Variants in SH2D2A observed in about 807,000 individuals in gnomAD.
SH2D2A encodes the protein SH2 domain containing 2A.
A neutral mutation model predicts 43.6 loss-of-function variants in SH2D2A; 33 were observed. The observed-to-expected ratio is 0.76, with a 90% CI of 0.57 to 1.01. The LOEUF (loss-of-function observed/expected upper bound fraction) is 1.01, where lower values mean the gene tolerates loss of function less well. Ranked by LOEUF, SH2D2A falls within the 50% of genes least tolerant of loss-of-function variation. The probability of loss-of-function intolerance (pLI) is 0.00; values close to 1 mark genes in which losing one functional copy is unlikely to be tolerated. For missense variants in SH2D2A, 491 were observed against 503.1 expected (o/e 0.98, Z 0.23); for synonymous variants, 212 against 206.1 (o/e 1.03, Z -0.25).
intron 2 of SH2D2A, 176 bp downstream of exon 2, chr1:156,815,830 A>G: frequency 6.2e-7 from 1 of 1,614,168 alleles, no homozygotes; most frequent in Non-Finnish European, 8.5e-7. Flanking sequence ...AACTCGGCGC[A>G]TGAAGGAGGT....
Position 156,807,250 on chromosome 1 carries a change from G to A in SH2D2A, c.1098C>T (p.Leu366=). ...HQPPPAWRHT[L]PHNLSRQVLQ... is the part of the protein sequence containing the mutation. ...GCACCTGTCTAGAAAGATTGTGGGGGAGGGTGTGTCTCCAGGCGGGTGGGG... is the reference window on the plus strand; with the variant it reads ...GCACCTGTCTAGAAAGATTGTGGGGAAGGGTGTGTCTCCAGGCGGGTGGGG... Residue 366 remains leucine (L), a synonymous_variant, in exon 8 of 9, where the codon CTC becomes CTT. Transcript: ENST00000368199. This position sits in a 1 kb window ranked among gnomAD's most constrained non-coding sequence, Gnocchi z 5.1. 1 of 1,599,192 alleles carries A rather than the reference G, an allele frequency of 6.3e-7. No individual in the cohort carries two copies. Among genetic ancestry groups the A allele is most frequent in the Non-Finnish European group, 8.5e-7 (1 of 1,171,948 alleles).
Position 156,814,001 on chromosome 1 carries a change from G to T in SH2D2A, c.414C>A (p.Cys138Ter). Residue 138 changes from cysteine to a stop codon, truncating the protein, a stop_gained, in exon 5 of 9, where the codon TGC (cysteine) becomes TGA (stop). Coordinates refer to ENST00000368199, the MANE Select transcript of SH2D2A (RefSeq NM_003975.4). LOFTEE classifies it high-confidence loss of function. ...TGAGCTGGGCCAGCAGGAAGTGGCG[G>T]CAGCAAGTCCGGCTCCTGGAGGGCG... ...FVLTYRSRTC[C>*]RHFLLAQLRD... is the part of the protein sequence containing the mutation. 6.6e-7 allele frequency: 1 copy of T among 1,515,352 alleles called. No homozygotes were observed. The highest frequency in any genetic ancestry group is 1.2e-5 in the South Asian group (1 of 82,064). 93.9% of individuals were successfully genotyped at this position (1,515,352 alleles called of 1,614,324 possible). A position where few individuals can be genotyped will look rare whatever the true frequency, so the allele number is the denominator to read the frequency against.
In SH2D2A at chr1:156,806,708, A is replaced by C. The variant is rs115025477; in HGVS notation, c.*4-135T>G. The C allele has an allele frequency of 4.2e-3, 717 of 169,048 alleles. 5 individuals carry two copies. The highest frequency in any genetic ancestry group is 0.016 in the African/African-American group (682 of 41,642). 10.5% of individuals were successfully genotyped at this position (169,048 alleles called of 1,614,324 possible). On this transcript the variant is annotated intron_variant, in intron 8 of 8. Transcript: ENST00000368199. Reference sequence around the variant, plus strand: ...ATCTCTGATGTTTCCTATGGACTTGAGTTTGTGGATGTGTGGTAAGGAACA... The same window carrying C: ...ATCTCTGATGTTTCCTATGGACTTGCGTTTGTGGATGTGTGGTAAGGAACA...
intron 7 of SH2D2A, among the ~76,000 whole-genome samples, chr1:156,808,117 AC>A (rs1198957642): frequency 2.6e-4 from 40 of 152,098 alleles, no homozygotes; most frequent in African/African-American, 9.4e-4. Flanking sequence ...GTGCCACTGC[AC>A]TCCAGCCTGG....
chr1:156,813,745 G>C, intron 5 of SH2D2A, 103 bp downstream of exon 5: 1 of 1,143,426 alleles, frequency 8.7e-7, no homozygotes. Flanking sequence ...GTGGTGTTTC[G>C]GGATGAGAAA....
chr1:156,815,967 G>A, intron 2 of SH2D2A, 39 bp downstream of exon 2: 2 of 1,557,252 alleles, frequency 1.3e-6, no homozygotes, highest in Non-Finnish European at 1.7e-6. Context: ...GGAGAGATGA[G>A]GGAGCTGCAC....
intron 5 of SH2D2A, among the ~76,000 whole-genome samples, chr1:156,811,142 C>G (rs1046152189): frequency 6.6e-6 from 1 of 152,218 alleles, no homozygotes; most frequent in African/African-American, 2.4e-5. Context: ...GCTGCCGAAA[C>G]AGCACCTTAG....
At chr1:156,814,442 G>C (rs1653692957) in intron 3 of SH2D2A, 148 bp from the exon 4 acceptor site, 1 of 1,385,582 alleles carries the variant, frequency 7.2e-7, no homozygotes, top group African/African-American at 1.4e-5. Context: ...GGGAGAGAGA[G>C]CACGTGGGCG....
At chr1:156,810,886 G>T (rs1044628917) in intron 5 of SH2D2A, among the ~76,000 whole-genome samples, 9 of 152,142 alleles carry the variant, frequency 5.9e-5, no homozygotes, top group Admixed American at 5.9e-4. Context: ...GGATGGTTCC[G>T]TCTCACAGAG....
In SH2D2A at chr1:156,809,396, G is replaced by C. The variant is rs546031119; in HGVS notation, c.809C>G (p.Ala270Gly). The change falls in exon 7 of 9, where the codon GCC becomes GGC. Residue 270 changes from alanine to glycine, a missense_variant. Ala to Gly is a moderately conservative substitution (Grantham distance 60). Coordinates refer to ENST00000368199, the MANE Select transcript of SH2D2A (RefSeq NM_003975.4). The surrounding 1 kb of genome is among the most constrained non-coding windows in gnomAD (Gnocchi z 4.8). Reference protein sequence around the residue: ...YTIPVPRHRPAPRPKPSNPIY... With the variant: ...YTIPVPRHRPGPRPKPSNPIY... ...AGGATTGGAGGGCTTGGGGCGTGGG[G>C]CCGGGCGGTGTCGTGGAACAGGGAT... 1 of 1,613,960 alleles carries C rather than the reference G, an allele frequency of 6.2e-7. No homozygotes were observed.
At position 156,807,789 on chromosome 1, in the gene SH2D2A, C is replaced by T. The variant is rs1653075897; in HGVS notation, c.1003-444G>A. Among the ~76,000 whole-genome samples, 2 of 152,104 alleles carry T rather than the reference C, an allele frequency of 1.3e-5. No homozygotes were observed. Among genetic ancestry groups the T allele is most frequent in the Non-Finnish European group, 2.9e-5 (2 of 68,028 alleles). On this transcript the variant is annotated intron_variant, in intron 7 of 8. Coordinates refer to ENST00000368199, the MANE Select transcript of SH2D2A (RefSeq NM_003975.4). The surrounding 1 kb of genome is among the most constrained non-coding windows in gnomAD (Gnocchi z 5.1). ...GCAGAGATACTGGCGGGTGCAAACC[C>T]CAGGAGGCTTGAAACCACTTGGTGA...
rs74118766 is a variant in SH2D2A at position 156,811,521 on chromosome 1, C to T, written c.568-1714G>A. Among the ~76,000 whole-genome samples the T allele has an allele frequency of 8.1e-3, 1,240 of 152,300 alleles. 8 individuals carry two copies. The highest frequency in any genetic ancestry group is 0.027 in the African/African-American group (1,126 of 41,548). ...TCCTCCTCACCCCCAGACTTCCCTA[C>T]GCCCTGTGAATCTCAGGTCTCTGCC... On this transcript the variant is annotated intron_variant, in intron 5 of 8. Coordinates refer to ENST00000368199, the MANE Select transcript of SH2D2A (RefSeq NM_003975.4).
chr1:156,816,604 C>T (rs1653959662), intron 1 of SH2D2A, 71 bp downstream of exon 1: 2 of 1,527,186 alleles, frequency 1.3e-6, no homozygotes, highest in Non-Finnish European at 1.8e-6. Context: ...GAGCTCAAGC[C>T]CAGGAGGGAG....
At chr1:156,808,345 AG>A (rs1653125432) in intron 7 of SH2D2A, among the ~76,000 whole-genome samples, 1 of 152,098 alleles carries the variant, frequency 6.6e-6, no homozygotes, top group South Asian at 2.1e-4. Flanking sequence ...CAAGGGTGAG[AG>A]CGCTGTTGGC....
At position 156,809,479 on chromosome 1, in the gene SH2D2A, C is replaced by G; in HGVS notation, c.726G>C (p.Leu242=). The G allele has an allele frequency of 1.9e-6, 3 of 1,602,854 alleles. No homozygotes were observed. Among genetic ancestry groups the G allele is most frequent in the South Asian group, 1.1e-5 (1 of 90,162 alleles). ...CGGGGATGGGAGGCTTGGGCCTGAGCAGCTGGGAGGGCTGGGAGAGAAGGT... is the reference window on the plus strand; with the variant it reads ...CGGGGATGGGAGGCTTGGGCCTGAGGAGCTGGGAGGGCTGGGAGAGAAGGT... ...EGAGEKEPSQ[L]LRPKPPIPAK... Residue 242 remains leucine (L), a synonymous_variant, in exon 7 of 9, where the codon CTG becomes CTC. Coordinates refer to ENST00000368199, the MANE Select transcript of SH2D2A (RefSeq NM_003975.4). This position sits in a 1 kb window ranked among gnomAD's most constrained non-coding sequence, Gnocchi z 4.8.
At position 156,816,012 on chromosome 1, in the gene SH2D2A, G is replaced by A; in HGVS notation, c.117C>T (p.Tyr39=). The A allele has an allele frequency of 6.2e-7, 1 of 1,613,920 alleles. No homozygotes were observed. Among genetic ancestry groups the A allele is most frequent in the Non-Finnish European group, 8.5e-7 (1 of 1,179,922 alleles). ...GCCCCAGGTTTCCACTCACCGCAGT[G>A]TAGCCCAGGTTCTGGCAGCTCCTGC... is the stretch of plus-strand genomic sequence containing the variant. ...MTRRSCQNLG[Y]TAASPQAPEA... Residue 39 remains tyrosine, a synonymous_variant, in exon 2 of 9, where the codon TAC becomes TAT. Coordinates refer to ENST00000368199, the MANE Select transcript of SH2D2A (RefSeq NM_003975.4).
intron 2 of SH2D2A, 95 bp downstream of exon 2, chr1:156,815,911 T>A (rs1045378275): frequency 6.2e-7 from 1 of 1,611,798 alleles, no homozygotes; most frequent in Non-Finnish European, 8.5e-7. Flanking sequence ...TGCCTTCTCT[T>A]GGAGTGGCCT....
At position 156,809,849 on chromosome 1, in the gene SH2D2A, T is replaced by G. The variant is rs1653284996; in HGVS notation, c.568-42A>C. 6.2e-7 allele frequency: 1 copy of G among 1,604,612 alleles called. No homozygotes were observed. The highest frequency in any genetic ancestry group is 1.7e-5 in the Admixed American group (1 of 58,046). ...AGGTCTGAGGCACTCGGTGGAGCGT[T>G]GGGGTGGGGGAGGTGATCAGGAGGA... On this transcript the variant is annotated intron_variant, in intron 5 of 8. Coordinates refer to ENST00000368199, the MANE Select transcript of SH2D2A (RefSeq NM_003975.4). This position sits in a 1 kb window ranked among gnomAD's most constrained non-coding sequence, Gnocchi z 4.8.
In SH2D2A at chr1:156,816,016, C is replaced by T; in HGVS notation, c.113G>A (p.Gly38Asp). Residue 38 changes from glycine to aspartate, a missense_variant, in exon 2 of 9, where the codon GGC becomes GAC. Physicochemically the swap from Gly to Asp is moderately conservative, Grantham distance 94. Coordinates refer to ENST00000368199, the MANE Select transcript of SH2D2A (RefSeq NM_003975.4). Reference protein sequence around the residue: ...DMTRRSCQNLGYTAASPQAPE... With the variant: ...DMTRRSCQNLDYTAASPQAPE... ...CAGGTTTCCACTCACCGCAGTGTAG[C>T]CCAGGTTCTGGCAGCTCCTGCGGGT... The T allele has an allele frequency of 6.2e-7, 1 of 1,613,916 alleles. No homozygotes were observed. The highest frequency in any genetic ancestry group is 8.5e-7 in the Non-Finnish European group (1 of 1,179,914).
Sources: gnomAD v4.1 joint callset for allele counts (sites outside exome capture counted in the v4.1 genomes callset) on GRCh38, gnomAD v4.1.1 for gene constraint, Gnocchi (gnomAD v3.1) non-coding constraint, MANE v1.5 for transcripts, NCBI Gene and HGNC (gene_info 2026-07-23, HGNC 2026-07-21) for gene names.